The following TRPM3 variants were observed in gnomAD, a reference collection of about 807,000 sequenced individuals.
The protein encoded by TRPM3 is long transient receptor potential channel 3.
In TRPM3, 77 loss-of-function variants were observed where a neutral mutation model predicts 181.2. The observed-to-expected ratio is 0.42, with a 90% CI of 0.35 to 0.51. TRPM3 has a LOEUF of 0.51. Among genes scored for constraint, TRPM3 ranks in the 20% least tolerant of loss-of-function variants. The pLI, the probability that TRPM3 is intolerant of heterozygous loss-of-function variation, is 0.01. For missense variants in TRPM3, 1,759 were observed against 2,196.7 expected (o/e 0.80, Z 3.98); for synonymous variants, 745 against 796.4 (o/e 0.94, Z 1.09).
At position 71,208,129 on chromosome 9, in the gene TRPM3, G is replaced by A. The variant is rs368085857; in HGVS notation, c.183+238524C>T. ...AAGAGAACTGGAAAAGAAGATTAAC[G>A]TTGTGCAGGTGTTTTGCCAAAGAAC... On this transcript the variant is annotated intron_variant, in intron 1 of 24. Coordinates refer to the TRPM3 transcript ENST00000357533. Among the ~76,000 whole-genome samples, 86 of 152,256 alleles carry A rather than the reference G, an allele frequency of 5.6e-4. 1 individual carries two copies. The South Asian group carries it at 0.015, about 27-fold the overall frequency.
At chr9:70,568,991 C>G (rs566746532) in intron 22 of TRPM3, among the ~76,000 whole-genome samples, 2 of 152,316 alleles carry the variant, frequency 1.3e-5, no homozygotes, top group South Asian at 4.1e-4. Context: ...AAATGGAAAA[C>G]TTATCCCCAT....
At chr9:70,963,367 A>G (rs2097155791) in intron 1 of TRPM3, among the ~76,000 whole-genome samples, 3 of 152,298 alleles carry the variant, frequency 2.0e-5, no homozygotes, top group Admixed American at 2.0e-4. Flanking sequence ...GACACACCAA[A>G]CAATACATAC....
At chr9:71,404,195 C>T (rs987375920) in intron 1 of TRPM3, among the ~76,000 whole-genome samples, 24 of 152,252 alleles carry the variant, frequency 1.6e-4, no homozygotes, top group Admixed American at 4.6e-4. Flanking sequence ...TCCTTGGCAT[C>T]GTGCCTAAAT....
chr9:71,127,954 A>G (rs2074146545), intron 1 of TRPM3, among the ~76,000 whole-genome samples: 1 of 152,246 alleles, frequency 6.6e-6, no homozygotes, highest in Non-Finnish European at 1.5e-5. Flanking sequence ...GTTCCCACAC[A>G]TGCTAAGAGC....
intron 1 of TRPM3, among the ~76,000 whole-genome samples, chr9:70,889,229 A>C (rs13285568): frequency 0.16 from 24,278 of 152,176 alleles, 2,197 homozygotes; most frequent in East Asian, 0.36. Context: ...TCTTTAAAAG[A>C]ACCAGCCAAA....
chr9:71,304,127 T>A (rs955530551), intron 1 of TRPM3, among the ~76,000 whole-genome samples: 5 of 152,152 alleles, frequency 3.3e-5, no homozygotes, highest in Admixed American at 3.3e-4. Flanking sequence ...ACTGCACACA[T>A]AATTGATGCA....
chr9:70,542,534 T>G (rs2043724768), intron 25 of TRPM3, among the ~76,000 whole-genome samples: 1 of 152,344 alleles, frequency 6.6e-6, no homozygotes, highest in East Asian at 1.9e-4. Context: ...AGATGATGAC[T>G]AGCTTCTTCA....
chr9:71,125,997 T>A (rs1352855639), upstream of TRPM3, among the ~76,000 whole-genome samples: 5 of 152,074 alleles, frequency 3.3e-5, no homozygotes, highest in Non-Finnish European at 5.9e-5. Flanking sequence ...ATATCCAGAA[T>A]CTACAAGGAA....
intron 1 of TRPM3, among the ~76,000 whole-genome samples, chr9:71,307,217 C>T (rs949825544): frequency 6.6e-6 from 1 of 152,126 alleles, no homozygotes; most frequent in Non-Finnish European, 1.5e-5. Flanking sequence ...TGATTAGTGG[C>T]TTCATGGAAA....
intron 1 of TRPM3, among the ~76,000 whole-genome samples, chr9:70,986,791 A>G (rs926939500): frequency 6.6e-6 from 1 of 152,142 alleles, no homozygotes; most frequent in African/African-American, 2.4e-5. Flanking sequence ...CTCTGGTATC[A>G]GAAAGGATTA....
At position 71,181,606 on chromosome 9, in the gene TRPM3, C is replaced by G. The variant is rs776000335; in HGVS notation, c.183+265047G>C. On this transcript the variant is annotated intron_variant, in intron 1 of 24. Coordinates refer to the TRPM3 transcript ENST00000357533. ...TTTTACAATCACTACCTTATTTAAT[C>G]CTTACTATGAGGTAAATAATATAAT... 6.8e-4 allele frequency among the ~76,000 whole-genome samples: 104 copies of G among 152,126 alleles called. 1 individual carries two copies. Among genetic ancestry groups the G allele is most frequent in the Non-Finnish European group, 9.3e-4 (63 of 67,976 alleles).
chr9:70,549,756 C>T, intron 24 of TRPM3, 82 bp from the exon 25 acceptor site: 3 of 1,420,386 alleles, frequency 2.1e-6, no homozygotes, highest in Non-Finnish European at 2.8e-6. Context: ...GTGACATTCT[C>T]AGTATAAATC....
At chr9:70,882,886 T>C (rs948551600) in intron 1 of TRPM3, among the ~76,000 whole-genome samples, 1 of 152,132 alleles carries the variant, frequency 6.6e-6, no homozygotes, top group Non-Finnish European at 1.5e-5. Context: ...CATAATACCA[T>C]AAAGAATAAA....
intron 3 of TRPM3, among the ~76,000 whole-genome samples, chr9:70,861,078 A>C (rs2095508018): frequency 6.6e-6 from 1 of 151,658 alleles, no homozygotes; most frequent in South Asian, 2.1e-4. Flanking sequence ...TCCATTTTTA[A>C]AAGGTATTTT....
intron 19 of TRPM3, among the ~76,000 whole-genome samples, chr9:70,608,622 G>C (rs1300493583): frequency 6.6e-6 from 1 of 152,128 alleles, no homozygotes; most frequent in Non-Finnish European, 1.5e-5. Context: ...CATAGCTTGA[G>C]GCCAGCAGTT....
chr9:70,917,897 A>G (rs1005136013), intron 1 of TRPM3, among the ~76,000 whole-genome samples: 3 of 152,174 alleles, frequency 2.0e-5, no homozygotes, highest in Non-Finnish European at 2.9e-5. Flanking sequence ...GTTGCCTACA[A>G]GAAACAGACT....
chr9:71,282,585 A>T (rs1463062424), intron 1 of TRPM3, among the ~76,000 whole-genome samples: 1 of 152,158 alleles, frequency 6.6e-6, no homozygotes. Flanking sequence ...TTTTTTTAGA[A>T]GTCTGTTGTT....
At chr9:71,197,383 C>T (rs2061990480) in intron 1 of TRPM3, among the ~76,000 whole-genome samples, 1 of 152,076 alleles carries the variant, frequency 6.6e-6, no homozygotes, top group Non-Finnish European at 1.5e-5. Context: ...TGGGTATATA[C>T]CCAATAATGG....
chr9:70,804,232 A>G (rs1156920601), intron 6 of TRPM3, among the ~76,000 whole-genome samples: 1 of 152,160 alleles, frequency 6.6e-6, no homozygotes, highest in Non-Finnish European at 1.5e-5. Context: ...TGGGAGGCTG[A>G]GGCAGGAGAA....
Sources: gnomAD v4.1 joint callset for allele counts (sites outside exome capture counted in the v4.1 genomes callset) on GRCh38, gnomAD v4.1.1 for gene constraint, MANE v1.5 for transcripts, NCBI Gene and HGNC (gene_info 2026-07-23, HGNC 2026-07-21) for gene names.